Variants in PALD1 observed in about 807,000 individuals in gnomAD.
PALD1 encodes the protein phosphatase domain containing paladin 1, also known as paladin.
Under a neutral mutation model 96.0 loss-of-function variants are expected in PALD1, and 57 were observed. That is an observed-to-expected ratio of 0.59 (90% confidence interval 0.48 to 0.74). The LOEUF (loss-of-function observed/expected upper bound fraction) is 0.74, where lower values mean the gene tolerates loss of function less well. Among genes scored for constraint, PALD1 ranks in the 30% least tolerant of loss-of-function variants. The pLI is 0.00. For missense variants in PALD1, 1,063 were observed against 1,143.7 expected, an observed-to-expected ratio of 0.93 and a Z score of 1.02; for synonymous variants, 464 against 473.6, an observed-to-expected ratio of 0.98 and a Z score of 0.26.
At chr10:70,556,988 G>A (rs947327843) in intron 18 of PALD1, among the ~76,000 whole-genome samples, 6 of 152,234 alleles carry the variant, frequency 3.9e-5, no homozygotes, top group African/African-American at 1.2e-4. Context: ...AGTGGATGGA[G>A]GGAAGGTTGA....
At chr10:70,490,751 G>A (rs1258056679) in intron 1 of PALD1, among the ~76,000 whole-genome samples, 1 of 152,166 alleles carries the variant, frequency 6.6e-6, no homozygotes, top group Non-Finnish European at 1.5e-5. Flanking sequence ...TGGGCCTGTT[G>A]TATAGGGAAG....
chr10:70,518,483 A>G (rs1397145373), intron 1 of PALD1, among the ~76,000 whole-genome samples: 1 of 152,190 alleles, frequency 6.6e-6, no homozygotes, highest in Non-Finnish European at 1.5e-5. Flanking sequence ...CCAGTTACTC[A>G]TATCTTCCTC....
In PALD1 at chr10:70,541,003, C is replaced by T. The variant is rs190344315; in HGVS notation, c.1909-99C>T. The T allele has an allele frequency of 3.3e-4, 441 of 1,351,284 alleles. 3 individuals are homozygous for T. The African/African-American group carries it at 5.0e-3, about 15-fold the overall frequency. The allele number at this position is 1,351,284 out of a possible 1,614,324, so 83.7% of individuals were successfully genotyped here. On this transcript the variant is annotated intron_variant, in intron 15 of 19. Coordinates refer to ENST00000263563, the MANE Select transcript of PALD1 (RefSeq NM_014431.3). ...CTTGGGAGCCTGACAATTTCTGGCCCGAGGACAGTGGCTGGGGCTGCCATG... is the reference window on the plus strand; with the variant it reads ...CTTGGGAGCCTGACAATTTCTGGCCTGAGGACAGTGGCTGGGGCTGCCATG...
chr10:70,564,251 C>G, intron 18 of PALD1, 113 bp from the exon 19 acceptor site: 1 of 1,153,092 alleles, frequency 8.7e-7, no homozygotes, highest in Non-Finnish European at 1.2e-6. Flanking sequence ...GCAACGCCCT[C>G]AGCTCTGAGG....
Position 70,564,362 on chromosome 10 carries a change from A to G in PALD1, c.2263-2A>G, listed in dbSNP as rs1246394445. The G allele has an allele frequency of 3.1e-6, 5 of 1,611,704 alleles. No homozygotes were observed. The highest frequency in any genetic ancestry group is 4.2e-6 in the Non-Finnish European group (5 of 1,178,810). ...CTGACCCCACCCTGTCCTGTCCTCC[A>G]GGCGAAGGCAGCGAAAGAGGCGCAA... On this transcript the variant is annotated splice_acceptor_variant, in intron 18 of 19. Transcript: ENST00000263563. LOFTEE classifies it high-confidence loss of function.
intron 18 of PALD1, among the ~76,000 whole-genome samples, chr10:70,559,473 G>A (rs1490815037): frequency 6.6e-6 from 1 of 152,176 alleles, no homozygotes; most frequent in Non-Finnish European, 1.5e-5. Flanking sequence ...CTTACTGTTT[G>A]TACAGTCATT....
chr10:70,503,639 A>G (rs1179927604), intron 1 of PALD1, among the ~76,000 whole-genome samples: 3 of 152,112 alleles, frequency 2.0e-5, no homozygotes, highest in African/African-American at 7.2e-5. Flanking sequence ...GTCTCAGAAG[A>G]AAAAAAAGAG....
At chr10:70,523,635 GAA>G (rs1846788484) in intron 1 of PALD1, among the ~76,000 whole-genome samples, 2 of 152,332 alleles carry the variant, frequency 1.3e-5, no homozygotes, top group South Asian at 4.1e-4. Context: ...AAAAGAGAGA[GAA>G]AGAGAGGGAG....
intron 19 of PALD1, among the ~76,000 whole-genome samples, chr10:70,566,140 GC>G (rs1313665353): frequency 6.6e-6 from 1 of 152,174 alleles, no homozygotes; most frequent in Non-Finnish European, 1.5e-5. Context: ...CAGGGTCTGG[GC>G]TGCTGGGCGG....
chr10:70,468,067 T>C, the PALD1 span, among the ~76,000 whole-genome samples: 1 of 152,120 alleles, frequency 6.6e-6, no homozygotes, highest in African/African-American at 2.4e-5. Flanking sequence ...GCTGAGAGGC[T>C]CCTTGGCTTT....
chr10:70,498,552 T>G (rs192568154), intron 1 of PALD1, among the ~76,000 whole-genome samples: 108 of 152,068 alleles, frequency 7.1e-4, no homozygotes, highest in Admixed American at 5.7e-3. Context: ...AGTGTTGAGA[T>G]AACAATCATG....
At chr10:70,471,978 G>T in the PALD1 span, among the ~76,000 whole-genome samples, 4 of 152,202 alleles carry the variant, frequency 2.6e-5, no homozygotes, top group Non-Finnish European at 5.9e-5. Flanking sequence ...AAGCTTCACA[G>T]AGTCTGGGAC....
At chr10:70,534,374 C>T (rs371286824) in intron 8 of PALD1, 51 bp from the exon 9 acceptor site, 21 of 1,287,018 alleles carry the variant, frequency 1.6e-5, no homozygotes, top group Admixed American at 5.8e-5. Flanking sequence ...GGCGGGTGGC[C>T]GTGTGAGACC....
the PALD1 span, among the ~76,000 whole-genome samples, chr10:70,466,938 T>G: frequency 6.6e-6 from 1 of 152,066 alleles, no homozygotes; most frequent in Admixed American, 6.5e-5. Flanking sequence ...CCTCACCCTC[T>G]CTCCCTGTAA....
At position 70,515,292 on chromosome 10, in the gene PALD1, CA is replaced by C. The variant is rs1241355548; in HGVS notation, c.-29-10630del. The stretch of plus-strand genomic sequence containing the variant: ...GGGGTGGAGGACTTGTGCGAGGGCC[CA>C]GAACAGAGCTGGGGCCTCCTGGTTC... On this transcript the variant is annotated intron_variant, in intron 1 of 19. Transcript: ENST00000263563. 3.3e-5 allele frequency among the ~76,000 whole-genome samples: 5 copies of C among 152,320 alleles called. No individual in the cohort carries two copies. In the East Asian group the frequency reaches 9.7e-4, roughly 29 times the overall value.
intron 16 of PALD1, 47 bp downstream of exon 16, chr10:70,541,289 G>A: frequency 6.3e-7 from 1 of 1,575,518 alleles, no homozygotes; most frequent in South Asian, 1.2e-5. Flanking sequence ...CTGGAGGAGG[G>A]TAGACACTCA....
chr10:70,519,476 T>C (rs370556617), intron 1 of PALD1, among the ~76,000 whole-genome samples: 4 of 152,116 alleles, frequency 2.6e-5, no homozygotes, highest in African/African-American at 9.7e-5. Flanking sequence ...ACTGATCCCA[T>C]TCCTGAGGGT....
At position 70,529,260 on chromosome 10, in the gene PALD1, G is replaced by A. The variant is rs1303182708; in HGVS notation, c.217G>A (p.Asp73Asn). 1 of 1,454,272 alleles carries A rather than the reference G, an allele frequency of 6.9e-7. No homozygotes were observed. Among genetic ancestry groups the A allele is most frequent in the Admixed American group, 1.9e-5 (1 of 53,078 alleles). 90.1% of individuals were successfully genotyped at this position (1,454,272 alleles called of 1,614,324 possible). A position where few individuals can be genotyped will look rare whatever the true frequency, so the allele number is the denominator to read the frequency against. The change falls in exon 3 of 20, where the codon GAT (aspartate) becomes AAT (asparagine). Residue 73 changes from aspartate to asparagine, a missense_variant. Asp to Asn is a conservative substitution (Grantham distance 23, BLOSUM62 1). Coordinates refer to ENST00000263563, the MANE Select transcript of PALD1 (RefSeq NM_014431.3). ...YNCKEEFQIH[D>N]ELLKAHYTLG... Reference sequence around the variant, plus strand: ...CTGCAAGGAGGAGTTCCAGATCCATGATGAGCTGCTCAAGGCTCATTACAC... The same window carrying A: ...CTGCAAGGAGGAGTTCCAGATCCATAATGAGCTGCTCAAGGCTCATTACAC...
chr10:70,528,978 G>A (rs151115230), intron 2 of PALD1, among the ~76,000 whole-genome samples: 23 of 152,254 alleles, frequency 1.5e-4, no homozygotes, highest in African/African-American at 5.1e-4. Context: ...TAAATCATGT[G>A]ACCACAATGA....
Sources: allele counts gnomAD v4.1 joint callset (sites outside exome capture counted in the v4.1 genomes callset), GRCh38; gene constraint gnomAD v4.1.1; transcripts MANE v1.5; gene names NCBI Gene and HGNC (gene_info 2026-07-23, HGNC 2026-07-21).